The following RAB27A variants were observed in gnomAD, a reference collection of about 807,000 sequenced individuals.
The protein encoded by RAB27A is RAB27A, member RAS oncogene family.
In RAB27A, 17 loss-of-function variants were observed where a neutral mutation model predicts 20.8. The observed-to-expected ratio is 0.82, with a 90% confidence interval of 0.56 to 1.23. RAB27A has a LOEUF of 1.23. Ranked by LOEUF, RAB27A falls within the 50% of genes most tolerant of loss-of-function variation. RAB27A has a pLI of 0.00. For missense variants in RAB27A, 277 were observed against 266.7 expected, an observed-to-expected ratio of 1.04 and a Z score of -0.27; for synonymous variants, 85 against 92.8, an observed-to-expected ratio of 0.92 and a Z score of 0.48.
intron 3 of RAB27A, 102 bp from the exon 4 acceptor site, chr15:55,230,588 CA>C (rs1895993372): frequency 1.2e-6 from 1 of 864,300 alleles, no homozygotes; most frequent in South Asian, 1.4e-5. Context: ...TCTAAAATTC[CA>C]AAGAGAATGC....
intron 1 of RAB27A, among the ~76,000 whole-genome samples, chr15:55,286,912 C>CTTTTTTTTTTTTTTTTTTTTTTTTT (rs35313703): frequency 1.8e-5 from 1 of 57,138 alleles, no homozygotes. Flanking sequence ...TAGATGTATT[C>CTTTTTTTTTTTTTTTTTTTTTTTTT]TTTTTTTTTT....
At position 55,275,908 on chromosome 15, in the gene RAB27A, G is replaced by A. The variant is rs562358700; in HGVS notation, c.-142-5624C>T. On this transcript the variant is annotated intron_variant, in intron 1 of 6. Coordinates refer to ENST00000336787, the MANE Select transcript of RAB27A (RefSeq NM_183235.3). ...ATTTTGATTACCTCACATCTGCTAG[G>A]ATGGCTAATTAAAAAAAAAAAAAAA... is the stretch of plus-strand genomic sequence containing the variant. Among the ~76,000 whole-genome samples the A allele has an allele frequency of 1.3e-3, 149 of 116,596 alleles. 2 individuals carry two copies. The highest frequency in any genetic ancestry group is 4.7e-3 in the African/African-American group (143 of 30,560). 76.5% of individuals were successfully genotyped at this position (116,596 alleles called of 152,430 possible).
chr15:55,259,168 T>C (rs1202488307), intron 2 of RAB27A, among the ~76,000 whole-genome samples: 4 of 152,008 alleles, frequency 2.6e-5, no homozygotes, highest in East Asian at 1.9e-4. Flanking sequence ...ATACTATTTA[T>C]AAGTTATGTA....
rs1437752116 is a variant in RAB27A, at chr15:55,205,275, C to T, written c.*232G>A. The T allele has an allele frequency of 7.0e-6, 4 of 574,512 alleles. No homozygotes were observed. In the African/African-American group the frequency reaches 7.5e-5, roughly 11 times the overall value. The allele number at this position is 574,512 out of a possible 1,614,324, so 35.6% of individuals were successfully genotyped here. On this transcript the variant is annotated 3_prime_UTR_variant, in exon 7 of 7. Coordinates refer to ENST00000336787, the MANE Select transcript of RAB27A (RefSeq NM_183235.3). ...TATAATAGGCTAAGGTTGTATAAGGCACTTTTGGCTCTGAAATATTTCTCC... is the reference window on the plus strand; with the variant it reads ...TATAATAGGCTAAGGTTGTATAAGGTACTTTTGGCTCTGAAATATTTCTCC...
intron 6 of RAB27A, among the ~76,000 whole-genome samples, chr15:55,215,956 A>G (rs1025527222): frequency 2.6e-5 from 4 of 151,042 alleles, no homozygotes; most frequent in African/African-American, 9.7e-5. Context: ...AAAAAAAAAA[A>G]AAAAAAAAAA....
At chr15:55,212,418 C>T (rs756972529) in intron 6 of RAB27A, among the ~76,000 whole-genome samples, 2 of 152,140 alleles carry the variant, frequency 1.3e-5, no homozygotes, top group Non-Finnish European at 2.9e-5. Flanking sequence ...TCAGAGGTCA[C>T]TGGCCATGTT....
At chr15:55,226,317 A>G (rs2140965445) in intron 5 of RAB27A, among the ~76,000 whole-genome samples, 1 of 152,216 alleles carries the variant, frequency 6.6e-6, no homozygotes, top group East Asian at 1.9e-4. Context: ...AGTGGGGCTT[A>G]CTTTAGACTT....
chr15:55,212,686 C>A (rs1010928430), intron 6 of RAB27A, among the ~76,000 whole-genome samples: 2 of 152,102 alleles, frequency 1.3e-5, no homozygotes, highest in Non-Finnish European at 2.9e-5. Context: ...GCTGCCACCA[C>A]GCCCGTTTAA....
At chr15:55,224,137 G>A (rs1895703615) in intron 5 of RAB27A, 125 bp from the exon 6 acceptor site, 1 of 717,988 alleles carries the variant, frequency 1.4e-6, no homozygotes, top group Admixed American at 2.4e-5. Flanking sequence ...TTGACATAAT[G>A]CTTTCAAAGC....
In RAB27A at chr15:55,248,484, G is replaced by T. The variant is rs562095694; in HGVS notation, c.-22-13528C>A. ...CCCTCCTCAATAAATTCATAATGCT[G>T]CTGTGTCTTCAGGTACTCCCACTTT... On this transcript the variant is annotated intron_variant, in intron 2 of 6. Coordinates refer to ENST00000336787, the MANE Select transcript of RAB27A (RefSeq NM_183235.3). Among the ~76,000 whole-genome samples the T allele has an allele frequency of 1.8e-4, 28 of 152,230 alleles. 1 individual carries two copies. The highest frequency in any genetic ancestry group is 3.1e-4 in the Non-Finnish European group (21 of 68,020).
chr15:55,280,826 AG>A (rs1897997941), intron 1 of RAB27A, among the ~76,000 whole-genome samples: 1 of 152,106 alleles, frequency 6.6e-6, no homozygotes, highest in African/African-American at 2.4e-5. Flanking sequence ...GTCCTTGCAA[AG>A]GACATGAACT....
At chr15:55,238,711 T>C (rs1729948720) in intron 2 of RAB27A, among the ~76,000 whole-genome samples, 2 of 140,054 alleles carry the variant, frequency 1.4e-5, no homozygotes, top group African/African-American at 3.3e-5. Flanking sequence ...GCACAAACGA[T>C]TGCTAACTGG....
upstream of RAB27A, among the ~76,000 whole-genome samples, chr15:55,292,175 A>G (rs2054925048): frequency 1.3e-5 from 2 of 152,270 alleles, no homozygotes; most frequent in East Asian, 1.9e-4. Flanking sequence ...GATCATGATC[A>G]TAACTAACAT....
At chr15:55,267,069 G>A (rs975910216) in intron 2 of RAB27A, among the ~76,000 whole-genome samples, 2 of 152,216 alleles carry the variant, frequency 1.3e-5, no homozygotes, top group African/African-American at 4.8e-5. Context: ...TTCAAGCAGT[G>A]ATTGTCCACA....
At chr15:55,221,598 G>C (rs1301379145) in intron 6 of RAB27A, among the ~76,000 whole-genome samples, 1 of 152,094 alleles carries the variant, frequency 6.6e-6, no homozygotes, top group Non-Finnish European at 1.5e-5. Flanking sequence ...AGATACCAAT[G>C]CCCAGGCTTT....
chr15:55,279,754 T>A (rs1171081018), intron 1 of RAB27A, among the ~76,000 whole-genome samples: 1 of 152,216 alleles, frequency 6.6e-6, no homozygotes, highest in South Asian at 2.1e-4. Context: ...CTTACAACAA[T>A]AGTTTTTGAA....
At position 55,215,810 on chromosome 15, in the gene RAB27A, G is replaced by C. The variant is rs554741605; in HGVS notation, c.467+8079C>G. On this transcript the variant is annotated intron_variant, in intron 6 of 6. Coordinates refer to ENST00000336787, the MANE Select transcript of RAB27A (RefSeq NM_183235.3). ...AAAATACAAAAATTAGCCAGGCGTG[G>C]TGGCAGGCGCCTATAATCCCAGCTA... is the stretch of plus-strand genomic sequence containing the variant. Among the ~76,000 whole-genome samples, 166 of 151,870 alleles carry C rather than the reference G, an allele frequency of 1.1e-3. 2 individuals carry two copies. Among genetic ancestry groups the C allele is most frequent in the African/African-American group, 3.7e-3 (154 of 41,398 alleles).
chr15:55,249,946 G>C (rs1307143681), intron 2 of RAB27A, among the ~76,000 whole-genome samples: 1 of 151,962 alleles, frequency 6.6e-6, no homozygotes. Flanking sequence ...AACTTATTAA[G>C]ATTTTTTTTT....
At chr15:55,206,535 G>T (rs1188255253) in intron 6 of RAB27A, among the ~76,000 whole-genome samples, 1 of 151,996 alleles carries the variant, frequency 6.6e-6, no homozygotes, top group Non-Finnish European at 1.5e-5. Flanking sequence ...TAGAGACAGG[G>T]TTTTACCATG....
Sources: allele counts gnomAD v4.1 joint callset (sites outside exome capture counted in the v4.1 genomes callset), GRCh38; gene constraint gnomAD v4.1.1; transcripts MANE v1.5; gene names NCBI Gene and HGNC (gene_info 2026-07-23, HGNC 2026-07-21).